NALF1: variants seen among roughly 807,000 people sequenced by gnomAD.
NALF1 encodes the protein family with sequence similarity 155 member A.
A neutral mutation model predicts 48.4 loss-of-function variants in NALF1; 3 were observed. That is an observed-to-expected ratio of 0.06 (90% CI 0.03 to 0.16). NALF1 has a LOEUF of 0.16. Among genes scored for constraint, NALF1 ranks in the 10% least tolerant of loss-of-function variants. The pLI, the probability that NALF1 is intolerant of heterozygous loss-of-function variation, is 1.00. For missense variants in NALF1, 526 were observed against 571.5 expected, an observed-to-expected ratio of 0.92 and a Z score of 0.81; for synonymous variants, 262 against 245.7, an observed-to-expected ratio of 1.07 and a Z score of -0.62.
At chr13:107,223,440 G>C (rs1880035858) in intron 1 of NALF1, among the ~76,000 whole-genome samples, 1 of 152,016 alleles carries the variant, frequency 6.6e-6, no homozygotes, top group Non-Finnish European at 1.5e-5. Flanking sequence ...TATTTCCTCA[G>C]TAAATACTGA....
At chr13:107,715,568 G>C (rs1875730334) in intron 1 of NALF1, among the ~76,000 whole-genome samples, 1 of 152,158 alleles carries the variant, frequency 6.6e-6, no homozygotes, top group Non-Finnish European at 1.5e-5. Flanking sequence ...TGTTGAAGAG[G>C]CTATGGCAGA....
chr13:107,784,011 C>G (rs960160032), intron 1 of NALF1, among the ~76,000 whole-genome samples: 1 of 152,126 alleles, frequency 6.6e-6, no homozygotes, highest in Admixed American at 6.5e-5. Context: ...TCCACACAAC[C>G]GCTCCCCTCA....
At chr13:107,370,107 A>T (rs139488558) in intron 1 of NALF1, among the ~76,000 whole-genome samples, 45 of 148,136 alleles carry the variant, frequency 3.0e-4, no homozygotes, top group African/African-American at 9.9e-4. Context: ...GAGGCACAGA[A>T]AGTGCAAATT....
rs183861367 is a variant in NALF1, at chr13:107,854,347, C to T, written c.915+11335G>A. On this transcript the variant is annotated intron_variant, in intron 1 of 2. Coordinates refer to ENST00000375915, the MANE Select transcript of NALF1 (RefSeq NM_001080396.3). ...TTTTCTCGCTATTTCACTATTTCAT[C>T]TGGACTGTGGCATGAGGCCATTGCC... Among the ~76,000 whole-genome samples the T allele has an allele frequency of 1.1e-4, 16 of 152,348 alleles. No individual in the cohort carries two copies. In the East Asian group the frequency reaches 2.9e-3, roughly 28 times the overall value.
At position 107,537,776 on chromosome 13, in the gene NALF1, G is replaced by A. The variant is rs191255849; in HGVS notation, c.916-327021C>T. ...CTCATGCCTATAATCCCAGCACTTT[G>A]GGAGGCTGAGGCAGGTAGATCACTT... On this transcript the variant is annotated intron_variant, in intron 1 of 2. Coordinates refer to ENST00000375915, the MANE Select transcript of NALF1 (RefSeq NM_001080396.3). Among the ~76,000 whole-genome samples, 416 of 152,228 alleles carry A rather than the reference G, an allele frequency of 2.7e-3. 2 individuals carry two copies. The highest frequency in any genetic ancestry group is 4.2e-3 in the Non-Finnish European group (289 of 68,020).
intron 1 of NALF1, among the ~76,000 whole-genome samples, chr13:107,352,537 T>A (rs1405313988): frequency 6.6e-6 from 1 of 152,070 alleles, no homozygotes; most frequent in Admixed American, 6.6e-5. Flanking sequence ...ATCTTCCAGG[T>A]TGCAGGGTGC....
At chr13:107,296,571 A>T (rs1243872599) in intron 1 of NALF1, among the ~76,000 whole-genome samples, 3 of 152,174 alleles carry the variant, frequency 2.0e-5, no homozygotes, top group South Asian at 2.1e-4. Context: ...CTCTTATTTC[A>T]AATTGTTGGT....
chr13:107,837,797 A>G (rs1347169590), intron 1 of NALF1, among the ~76,000 whole-genome samples: 1 of 152,070 alleles, frequency 6.6e-6, no homozygotes, highest in African/African-American at 2.4e-5. Flanking sequence ...TGAAAATGAT[A>G]CTTTACCAGT....
intron 1 of NALF1, among the ~76,000 whole-genome samples, chr13:107,736,180 T>C (rs1307785031): frequency 9.4e-6 from 1 of 106,544 alleles, no homozygotes; most frequent in Non-Finnish European, 1.8e-5. Flanking sequence ...TACGCATGCA[T>C]ACACACACAC....
At chr13:107,464,300 C>A (rs563889280) in intron 1 of NALF1, among the ~76,000 whole-genome samples, 2 of 151,714 alleles carry the variant, frequency 1.3e-5, no homozygotes, top group African/African-American at 4.9e-5. Flanking sequence ...ACTATTAATA[C>A]ACATGAAGAT....
intron 1 of NALF1, among the ~76,000 whole-genome samples, chr13:107,336,695 C>A (rs938989272): frequency 3.9e-5 from 6 of 151,954 alleles, no homozygotes; most frequent in African/African-American, 1.5e-4. Flanking sequence ...TAAGTAAAGC[C>A]CATTTTCAGT....
intron 1 of NALF1, among the ~76,000 whole-genome samples, chr13:107,689,518 T>A (rs920276566): frequency 6.6e-6 from 1 of 152,162 alleles, no homozygotes; most frequent in South Asian, 2.1e-4. Flanking sequence ...TATATGGACC[T>A]TGGCCAAATG....
chr13:107,212,386 A>G (rs566177918), intron 1 of NALF1, among the ~76,000 whole-genome samples: 1 of 152,368 alleles, frequency 6.6e-6, no homozygotes, highest in Admixed American at 6.5e-5. Flanking sequence ...TTCTCGTAAC[A>G]GTGTACACTG....
At chr13:107,703,064 T>A (rs902499660) in intron 1 of NALF1, among the ~76,000 whole-genome samples, 1 of 152,198 alleles carries the variant, frequency 6.6e-6, no homozygotes, top group African/African-American at 2.4e-5. Flanking sequence ...ATATACCCAA[T>A]AACAGGATTG....
At position 107,236,667 on chromosome 13, in the gene NALF1, GTCTGTCTATCTATCTATCTA is replaced by G. The variant is rs1221531705; in HGVS notation, c.916-25932_916-25913del. ...TATGGCACTATCTATCTATCCATCT[GTCTGTCTATCTATCTATCTA>G]TCTATCTATCTATCTATCTATCTAT... On this transcript the variant is annotated intron_variant, in intron 1 of 2. Coordinates refer to ENST00000375915, the MANE Select transcript of NALF1 (RefSeq NM_001080396.3). Among the ~76,000 whole-genome samples the G allele has an allele frequency of 6.8e-3, 837 of 122,400 alleles. 9 individuals are homozygous for G. Among genetic ancestry groups the G allele is most frequent in the Admixed American group, 0.047 (539 of 11,374 alleles). The allele number at this position is 122,400 out of a possible 152,430, so 80.3% of individuals were successfully genotyped here. A position where few individuals can be genotyped will look rare whatever the true frequency, so the allele number is the denominator to read the frequency against.
At chr13:107,488,454 A>G (rs930906343) in intron 1 of NALF1, among the ~76,000 whole-genome samples, 1 of 152,150 alleles carries the variant, frequency 6.6e-6, no homozygotes, top group Admixed American at 6.6e-5. Flanking sequence ...TGTGTTCCAG[A>G]GATTCTGGAT....
rs577212548 is a variant in NALF1, at chr13:107,809,764, T to C, written c.915+55918A>G. 1.2e-4 allele frequency among the ~76,000 whole-genome samples: 18 copies of C among 152,224 alleles called. No individual in the cohort carries two copies. In the East Asian group the frequency reaches 2.3e-3, roughly 20 times the overall value. On this transcript the variant is annotated intron_variant, in intron 1 of 2. Coordinates refer to ENST00000375915, the MANE Select transcript of NALF1 (RefSeq NM_001080396.3). ...TTCCCAGATAGAACGTTCACTATAG[T>C]CCACCCATACACGTGTCTAAGAAAA...
At chr13:107,717,587 A>G (rs1286529337) in intron 1 of NALF1, among the ~76,000 whole-genome samples, 1 of 151,392 alleles carries the variant, frequency 6.6e-6, no homozygotes, top group Admixed American at 6.6e-5. Context: ...TGCTCAGGGA[A>G]CTGCAGTTCT....
chr13:107,707,243 T>A (rs570455732), intron 1 of NALF1, among the ~76,000 whole-genome samples: 1 of 152,224 alleles, frequency 6.6e-6, no homozygotes, highest in Non-Finnish European at 1.5e-5. Context: ...TATGATATTA[T>A]GTCACTAGAC....
Sources: allele counts gnomAD v4.1 joint callset (sites outside exome capture counted in the v4.1 genomes callset), GRCh38; gene constraint gnomAD v4.1.1; transcripts MANE v1.5; gene names NCBI Gene and HGNC (gene_info 2026-07-23, HGNC 2026-07-21).